LIN28B: variants seen among roughly 807,000 people sequenced by gnomAD.
The protein encoded by LIN28B is protein lin-28 homolog B.
A neutral mutation model predicts 21.9 loss-of-function variants in LIN28B; 5 were observed. The observed-to-expected ratio is 0.23, with a 90% CI of 0.12 to 0.48. The LOEUF (loss-of-function observed/expected upper bound fraction) is 0.48. Ranked by LOEUF, LIN28B falls within the 20% of genes least tolerant of loss-of-function variation. The pLI is 0.98. For synonymous variants in LIN28B, 109 were observed against 111.3 expected (o/e 0.98, Z 0.13); for missense variants, 245 against 310.5 (o/e 0.79, Z 1.58).
chr6:104,943,300 A>G (rs1778118096), intron 2 of LIN28B, among the ~76,000 whole-genome samples: 2 of 152,142 alleles, frequency 1.3e-5, no homozygotes, highest in Admixed American at 6.5e-5. Context: ...TGATCTGGTA[A>G]CATGATTAGG....
intron 2 of LIN28B, among the ~76,000 whole-genome samples, chr6:105,002,962 A>G (rs144155498): frequency 7.5e-4 from 114 of 152,338 alleles, no homozygotes; most frequent in Middle Eastern, 3.4e-3. Flanking sequence ...GACAGGAAAC[A>G]TGGAACCTTG....
intron 3 of LIN28B, among the ~76,000 whole-genome samples, chr6:105,033,419 T>G (rs1382439928): frequency 1.3e-5 from 2 of 152,060 alleles, no homozygotes; most frequent in Non-Finnish European, 2.9e-5. Context: ...GTAAAATAAT[T>G]TTGAAGATTC....
intron 3 of LIN28B, among the ~76,000 whole-genome samples, chr6:105,056,896 CTTACT>C (rs1772032995): frequency 6.6e-6 from 1 of 152,176 alleles, no homozygotes; most frequent in African/African-American, 2.4e-5. Flanking sequence ...AACATCTGGG[CTTACT>C]TTGAGTGTTT....
chr6:105,001,913 C>T (rs1050095662), intron 2 of LIN28B, among the ~76,000 whole-genome samples: 2 of 152,096 alleles, frequency 1.3e-5, no homozygotes, highest in Admixed American at 6.6e-5. Flanking sequence ...AAGTATGTAG[C>T]ACAATTAATG....
At chr6:104,999,425 C>A (rs1770675598) in intron 2 of LIN28B, among the ~76,000 whole-genome samples, 1 of 152,138 alleles carries the variant, frequency 6.6e-6, no homozygotes, top group Admixed American at 6.5e-5. Context: ...AGGCATAACC[C>A]ACCTAACCCA....
intron 3 of LIN28B, among the ~76,000 whole-genome samples, chr6:105,046,449 C>T (rs1771765580): frequency 6.6e-6 from 1 of 152,184 alleles, no homozygotes; most frequent in African/African-American, 2.4e-5. Context: ...CAAGTCTTTG[C>T]TATTGTGAAT....
intron 3 of LIN28B, among the ~76,000 whole-genome samples, chr6:105,055,141 A>G (rs1428071378): frequency 6.6e-6 from 1 of 151,950 alleles, no homozygotes; most frequent in Non-Finnish European, 1.5e-5. Flanking sequence ...ATTTATTTGT[A>G]TTTATTGTGT....
rs71276550 is a variant in LIN28B at position 105,014,664 on chromosome 6, A to AG, written c.199-11629dup. ...GCGACAGGGTTTTACTGTGTTTCCCAGGGGGTCATGAACACCTGGCCTCAA... is the reference window on the plus strand; with the variant it reads ...GCGACAGGGTTTTACTGTGTTTCCCAGGGGGGTCATGAACACCTGGCCTCAA... On this transcript the variant is annotated intron_variant, in intron 2 of 3. Transcript: ENST00000345080. Among the ~76,000 whole-genome samples, 1,218 of 152,196 alleles carry AG rather than the reference A, an allele frequency of 8.0e-3. 13 individuals carry two copies. Among genetic ancestry groups the AG allele is most frequent in the Non-Finnish European group, 0.014 (957 of 67,992 alleles).
chr6:105,059,127 A>C (rs1772077977), intron 3 of LIN28B, among the ~76,000 whole-genome samples: 1 of 152,070 alleles, frequency 6.6e-6, no homozygotes, highest in African/African-American at 2.4e-5. Context: ...TAAATCCAGC[A>C]GTCTATTTTA....
chr6:105,068,346 A>G (rs1165515815), intron 3 of LIN28B, among the ~76,000 whole-genome samples: 4 of 152,238 alleles, frequency 2.6e-5, no homozygotes, highest in Non-Finnish European at 5.9e-5. Context: ...TTAAATGAAT[A>G]TTATAAGCAG....
intron 2 of LIN28B, chr6:104,939,638 A>G (rs1014339876): frequency 6.6e-6 from 1 of 152,238 alleles, no homozygotes; most frequent in South Asian, 2.1e-4. Flanking sequence ...TAGTCATACA[A>G]TAGTAGCCAG....
intron 2 of LIN28B, among the ~76,000 whole-genome samples, chr6:104,991,285 C>G (rs2114269076): frequency 6.6e-6 from 1 of 151,274 alleles, no homozygotes; most frequent in Admixed American, 6.6e-5. Context: ...AGGGGCGCCT[C>G]ACTTCTCGGA....
chr6:105,059,888 T>C (rs1772093565), intron 3 of LIN28B, among the ~76,000 whole-genome samples: 1 of 151,570 alleles, frequency 6.6e-6, no homozygotes, highest in African/African-American at 2.4e-5. Flanking sequence ...TTTCATTTTC[T>C]TTATTCTCAT....
intron 2 of LIN28B, among the ~76,000 whole-genome samples, chr6:104,965,487 CACTCCAGT>C (rs1185318975): frequency 2.6e-5 from 4 of 152,202 alleles, no homozygotes; most frequent in African/African-American, 7.2e-5. Context: ...CACTCCATTG[CACTCCAGT>C]CTGGACGACA....
chr6:104,938,546 C>T (rs541645939), intron 2 of LIN28B, among the ~76,000 whole-genome samples: 26 of 151,328 alleles, frequency 1.7e-4, no homozygotes, highest in African/African-American at 4.6e-4. Flanking sequence ...GACTGAGGCA[C>T]GAGAATCCCG....
chr6:104,950,992 T>G (rs1351753106), intron 3 of LIN28B, among the ~76,000 whole-genome samples: 2 of 152,176 alleles, frequency 1.3e-5, no homozygotes, highest in African/African-American at 4.8e-5. Context: ...TGAGGAAATT[T>G]TTCTTATCTA....
In LIN28B at chr6:105,057,113, C is replaced by T. The variant is rs114090603; in HGVS notation, c.384-21301C>T. ...GTAATGCAGAGATAAAATATCTATA[C>T]TATAAAAATTACATGTAGAAATTTA... On this transcript the variant is annotated intron_variant, in intron 3 of 3. Transcript: ENST00000345080. Among the ~76,000 whole-genome samples, 687 of 152,198 alleles carry T rather than the reference C, an allele frequency of 4.5e-3. 5 individuals carry two copies. Among genetic ancestry groups the T allele is most frequent in the African/African-American group, 0.016 (659 of 41,534 alleles).
chr6:105,003,995 G>A (rs1217259540), intron 2 of LIN28B, among the ~76,000 whole-genome samples: 3 of 152,112 alleles, frequency 2.0e-5, no homozygotes, highest in African/African-American at 7.2e-5. Context: ...TCCCACAATA[G>A]GCTGTCTGCA....
At chr6:104,948,248 C>G (rs1338854611) in intron 2 of LIN28B, among the ~76,000 whole-genome samples, 2 of 152,306 alleles carry the variant, frequency 1.3e-5, no homozygotes, top group East Asian at 3.9e-4. Flanking sequence ...GCGGGTGGAT[C>G]ACAAGGTCAG....
Sources: gnomAD v4.1 joint callset for allele counts (sites outside exome capture counted in the v4.1 genomes callset) on GRCh38, gnomAD v4.1.1 for gene constraint, MANE v1.5 for transcripts, NCBI Gene and HGNC (gene_info 2026-07-23, HGNC 2026-07-21) for gene names.